Variants in ADGRV1 observed in about 807,000 individuals in gnomAD.
ADGRV1 encodes G-protein coupled receptor 98.
ADGRV1 carries 359 observed loss-of-function variants against 596.2 expected under a neutral mutation model. The ratio of observed to expected loss-of-function variants is 0.60; its 90% confidence interval spans 0.55 to 0.66. ADGRV1 has a LOEUF of 0.66. ADGRV1 is among the 30% of genes least tolerant of loss of function. The pLI is 0.00. For missense variants in ADGRV1, 7,274 were observed against 7,575.6 expected, an observed-to-expected ratio of 0.96 and a Z score of 1.48; for synonymous variants, 2,681 against 2,679.2, an observed-to-expected ratio of 1.00 and a Z score of -0.02.
At chr5:90,830,535 G>C (rs1395155481) in intron 77 of ADGRV1, among the ~76,000 whole-genome samples, 1 of 152,090 alleles carries the variant, frequency 6.6e-6, no homozygotes, top group Non-Finnish European at 1.5e-5. Context: ...TCAGATGAGA[G>C]GGGAATTGAA....
At chr5:90,697,189 T>C in intron 34 of ADGRV1, 43 bp downstream of exon 34, 1 of 1,527,168 alleles carries the variant, frequency 6.5e-7, no homozygotes, top group Non-Finnish European at 9.0e-7. Flanking sequence ...TTCTTTTCTA[T>C]GGATGTTGTC....
rs773353250 is a variant in ADGRV1 at position 90,810,894 on chromosome 5, G to A, written c.15634G>A (p.Ala5212Thr). Reference protein sequence around the residue: ...SEKPDVATVTANVSIHGTFSL... With the variant: ...SEKPDVATVTTNVSIHGTFSL... ...AAAGCCTGATGTGGCCACTGTAACT[G>A]CCAATGTTTCCATTCATGGAACATT... The change falls in exon 74 of 90, where the codon GCC becomes ACC. Residue 5212 changes from alanine to threonine, a missense_variant. By Grantham distance (58) the Ala-to-Thr change is moderately conservative. Around this residue, in one of 5 missense-constraint regions of ADGRV1, gnomAD observed 1,874 missense variants for 1,970.2 expected, o/e 0.95. Transcript: ENST00000405460. The A allele has an allele frequency of 4.5e-5, 73 of 1,613,878 alleles. No homozygotes were observed. Among genetic ancestry groups the A allele is most frequent in the Non-Finnish European group, 5.8e-5 (69 of 1,179,912 alleles).
intron 85 of ADGRV1, among the ~76,000 whole-genome samples, chr5:91,029,659 A>AT (rs1192862003): frequency 6.6e-6 from 1 of 152,300 alleles, no homozygotes; most frequent in Non-Finnish European, 1.5e-5. Flanking sequence ...TTGTCCAACA[A>AT]TTTTTTGTAA....
chr5:91,122,435 C>A (rs1793405378), intron 87 of ADGRV1, among the ~76,000 whole-genome samples: 1 of 152,186 alleles, frequency 6.6e-6, no homozygotes, highest in Admixed American at 6.5e-5. Flanking sequence ...CACACAAACA[C>A]ACATAAAGAA....
intron 1 of ADGRV1, among the ~76,000 whole-genome samples, chr5:90,595,587 G>T (rs1760310647): frequency 7.4e-6 from 1 of 135,362 alleles, no homozygotes; most frequent in South Asian, 2.3e-4. Context: ...CTCCCTCCCA[G>T]ATGGGGCGGC....
chr5:90,675,277 G>A lies in ADGRV1; in HGVS notation c.5145G>A (p.Gln1715=), dbSNP rs1352893857. ...LLQFSTGLPP[Q]PKDAMTLPAS... is the part of the protein sequence containing the mutation. ...AGTTCTCCACAGGGCTGCCTCCTCA[G>A]CCTAAGGACGCAATGACCCTGCCTG... The change falls in exon 24 of 90, where the codon CAG becomes CAA. Residue 1715 remains glutamine, a synonymous_variant. Coordinates refer to ENST00000405460, the MANE Select transcript of ADGRV1 (RefSeq NM_032119.4). 6.2e-7 allele frequency: 1 copy of A among 1,613,552 alleles called. No homozygotes were observed. The highest frequency in any genetic ancestry group is 1.3e-5 in the African/African-American group (1 of 74,902).
At chr5:91,154,534 G>T (rs150916879) in intron 89 of ADGRV1, among the ~76,000 whole-genome samples, 3 of 152,242 alleles carry the variant, frequency 2.0e-5, no homozygotes, top group Non-Finnish European at 4.4e-5. Context: ...CCTTGAGACC[G>T]TGCTCTCAGC....
At position 90,805,286 on chromosome 5, in the gene ADGRV1, C is replaced by A; in HGVS notation, c.14664C>A (p.Val4888=). The A allele has an allele frequency of 1.2e-6, 2 of 1,607,806 alleles. No homozygotes were observed. Residue 4888 remains valine, a splice_region_variant and synonymous_variant, in exon 72 of 90, where the codon GTC becomes GTA. Transcript: ENST00000405460. ...PVSEKAANSQ[V]GFESTAFQLM... ...CTCTAAGCATGATTTTCCCTCAGGT[C>A]GGATTTGAATCCACTGCTTTTCAAC...
chr5:90,756,664 A>G (rs1249538780), intron 56 of ADGRV1, 34 bp downstream of exon 56: 3 of 1,557,748 alleles, frequency 1.9e-6, no homozygotes, highest in Non-Finnish European at 2.6e-6. Flanking sequence ...ACAGTCATAC[A>G]GAGGCCTCTC....
rs887180759 is a variant in ADGRV1, at chr5:90,600,120, C to G, written c.23-14715C>G. On this transcript the variant is annotated intron_variant, in intron 1 of 89. Coordinates refer to ENST00000405460, the MANE Select transcript of ADGRV1 (RefSeq NM_032119.4). ...ACTTAGTTGGACCATAAGTGATCTT[C>G]CGGAGCTCTGCCTAATTCATTTGAG... Among the ~76,000 whole-genome samples the G allele has an allele frequency of 6.6e-5, 10 of 152,124 alleles. 1 individual carries two copies. The highest frequency in any genetic ancestry group is 4.6e-4 in the Admixed American group (7 of 15,270).
chr5:91,162,758 C>G (rs959779092), intron 89 of ADGRV1, among the ~76,000 whole-genome samples: 2 of 152,176 alleles, frequency 1.3e-5, no homozygotes, highest in Admixed American at 1.3e-4. Flanking sequence ...GCTCTGGCTT[C>G]CATCTCCAGA....
intron 16 of ADGRV1, 89 bp from the exon 17 acceptor site, chr5:90,647,409 C>A: frequency 7.3e-7 from 1 of 1,371,900 alleles, no homozygotes; most frequent in Non-Finnish European, 1.0e-6. Flanking sequence ...AGGCTTCTCT[C>A]TTGGAGGGCA....
chr5:90,763,732 G>A, intron 59 of ADGRV1, among the ~76,000 whole-genome samples: 1 of 152,118 alleles, frequency 6.6e-6, no homozygotes, highest in Non-Finnish European at 1.5e-5. Context: ...TTATGTCCAT[G>A]TGTATCCATT....
At chr5:90,753,153 C>G (rs1183871477) in intron 53 of ADGRV1, among the ~76,000 whole-genome samples, 1 of 152,178 alleles carries the variant, frequency 6.6e-6, no homozygotes, top group Non-Finnish European at 1.5e-5. Flanking sequence ...CTTAGTGATA[C>G]ATCTGTTCAG....
chr5:90,931,878 C>T (rs1775283648), intron 83 of ADGRV1, among the ~76,000 whole-genome samples: 1 of 151,842 alleles, frequency 6.6e-6, no homozygotes, highest in African/African-American at 2.4e-5. Flanking sequence ...AATTTAAGCC[C>T]CTAAAATCTG....
chr5:90,564,397 G>C (rs1755265138), intron 1 of ADGRV1, among the ~76,000 whole-genome samples: 1 of 152,154 alleles, frequency 6.6e-6, no homozygotes, highest in African/African-American at 2.4e-5. Flanking sequence ...GTGGAAAAAG[G>C]TAGAGAGGAC....
chr5:90,708,991 T>C, intron 39 of ADGRV1, 82 bp downstream of exon 39: 1 of 905,186 alleles, frequency 1.1e-6, no homozygotes, highest in Non-Finnish European at 1.8e-6. Flanking sequence ...GAAGTGATCA[T>C]TGTGCTGTTT....
chr5:90,886,215 C>T lies in ADGRV1; in HGVS notation c.17856+22358C>T, dbSNP rs138579215. 3.4e-3 allele frequency among the ~76,000 whole-genome samples: 510 copies of T among 152,150 alleles called. 6 individuals carry two copies. The highest frequency in any genetic ancestry group is 0.028 in the South Asian group (136 of 4,818). On this transcript the variant is annotated intron_variant, in intron 83 of 89. Transcript: ENST00000405460. ...ATTCTCACTAGTATTACCTAATAGT[C>T]GGGAACCTTTATTTTCCTTCTGAAG... is the stretch of plus-strand genomic sequence containing the variant.
chr5:90,947,828 T>C (rs1383110568), intron 83 of ADGRV1, among the ~76,000 whole-genome samples: 1 of 152,168 alleles, frequency 6.6e-6, no homozygotes, highest in African/African-American at 2.4e-5. Flanking sequence ...CAATCATTGA[T>C]GTTATTTTAT....
Sources: allele counts gnomAD v4.1 joint callset (sites outside exome capture counted in the v4.1 genomes callset), GRCh38; gene constraint gnomAD v4.1.1; regional missense constraint gnomAD v4.1.1; transcripts MANE v1.5; gene names NCBI Gene and HGNC (gene_info 2026-07-23, HGNC 2026-07-21).